Variants in TJP1 observed in about 807,000 individuals in gnomAD.
TJP1 encodes the protein tight junction protein 1.
In TJP1, 43 loss-of-function variants were observed where a neutral mutation model predicts 194.2. The observed-to-expected ratio is 0.22, with a 90% CI of 0.17 to 0.29. The LOEUF (loss-of-function observed/expected upper bound fraction) is 0.29. Among genes scored for constraint, TJP1 ranks in the 10% least tolerant of loss-of-function variants. The probability of loss-of-function intolerance (pLI) is 1.00; values close to 1 mark genes in which losing one functional copy is unlikely to be tolerated. For missense variants in TJP1, 1,971 were observed against 2,185.7 expected, an observed-to-expected ratio of 0.90 and a Z score of 1.96; for synonymous variants, 801 against 779.0, an observed-to-expected ratio of 1.03 and a Z score of -0.47.
intron 2 of TJP1, among the ~76,000 whole-genome samples, chr15:29,949,517 TCCAC>T (rs2055497340): frequency 2.9e-4 from 6 of 20,746 alleles, no homozygotes; most frequent in Admixed American, 6.0e-4. Flanking sequence ...CACCTCCACC[TCCAC>T]CACCACCACC....
intron 1 of TJP1, among the ~76,000 whole-genome samples, chr15:29,802,003 A>G (rs1351910034): frequency 6.6e-6 from 1 of 152,238 alleles, no homozygotes; most frequent in Non-Finnish European, 1.5e-5. Flanking sequence ...CTAAGGAATT[A>G]GCAGTAAGGA....
At position 29,849,565 on chromosome 15, in the gene TJP1, G is replaced by A. The variant is rs550661078; in HGVS notation, c.307-48863C>T. On this transcript the variant is annotated intron_variant, in intron 2 of 28. Transcript: ENST00000356107. ...ACCAGCCTTACCAATATGACAAAAT[G>A]CTCTCTACTAAAAATACAAAAAAAT... Among the ~76,000 whole-genome samples the A allele has an allele frequency of 6.6e-5, 10 of 151,784 alleles. No individual in the cohort carries two copies. The East Asian group carries it at 1.8e-3, about 27-fold the overall frequency.
intron 2 of TJP1, among the ~76,000 whole-genome samples, chr15:29,881,488 GC>G (rs1221496962): frequency 3.9e-5 from 6 of 152,128 alleles, no homozygotes; most frequent in Non-Finnish European, 8.8e-5. Flanking sequence ...GAAGTTTAGA[GC>G]CCTATTACCT....
At chr15:29,909,579 A>G (rs1401664814) in intron 2 of TJP1, among the ~76,000 whole-genome samples, 5 of 152,086 alleles carry the variant, frequency 3.3e-5, no homozygotes, top group Admixed American at 6.5e-5. Context: ...CACCAGACTT[A>G]TGAGTCAAAA....
chr15:29,777,305 G>A (rs563294010), intron 2 of TJP1, among the ~76,000 whole-genome samples: 2 of 152,232 alleles, frequency 1.3e-5, no homozygotes, highest in South Asian at 2.1e-4. Flanking sequence ...AGTTTTAACC[G>A]CCATTGTTTC....
At chr15:29,929,119 A>G (rs2054619580) in intron 2 of TJP1, among the ~76,000 whole-genome samples, 1 of 152,240 alleles carries the variant, frequency 6.6e-6, no homozygotes, top group Non-Finnish European at 1.5e-5. Flanking sequence ...GCAAATTTCA[A>G]CAATGATCAA....
chr15:29,881,535 G>C (rs570509567), intron 2 of TJP1, among the ~76,000 whole-genome samples: 1 of 152,240 alleles, frequency 6.6e-6, no homozygotes, highest in South Asian at 2.1e-4. Flanking sequence ...GTTTTACCTT[G>C]ATAGATACTT....
intron 15 of TJP1, chr15:29,730,612 G>A: frequency 1.8e-6 from 1 of 558,600 alleles, no homozygotes; most frequent in South Asian, 1.6e-5. Context: ...AAAAAAAGAG[G>A]AGCAGTGTGA....
chr15:29,709,194 G>A (rs1204859489), intron 24 of TJP1, among the ~76,000 whole-genome samples, 158 bp from the exon 25 acceptor site: 1 of 152,106 alleles, frequency 6.6e-6, no homozygotes, highest in Non-Finnish European at 1.5e-5. Context: ...TGATGCTGAG[G>A]GATGAGGGCA....
intron 2 of TJP1, among the ~76,000 whole-genome samples, chr15:29,849,107 C>T (rs963835642): frequency 6.6e-6 from 1 of 152,048 alleles, no homozygotes; most frequent in African/African-American, 2.4e-5. Flanking sequence ...AATTTAATTA[C>T]ATTAAAATTA....
chr15:29,757,975 G>T (rs892724965), intron 8 of TJP1, among the ~76,000 whole-genome samples: 3 of 152,172 alleles, frequency 2.0e-5, no homozygotes, highest in Non-Finnish European at 2.9e-5. Context: ...AGCAGTGAAG[G>T]AAAACGAGGA....
chr15:29,855,369 G>A (rs1056130887), intron 2 of TJP1, among the ~76,000 whole-genome samples: 1 of 152,020 alleles, frequency 6.6e-6, no homozygotes, highest in African/African-American at 2.4e-5. Context: ...TAACTCCAAA[G>A]CACAACTGGT....
In TJP1 at chr15:29,820,552, G is replaced by A. The variant is rs753695807; in HGVS notation, c.27+1450C>T. Reference sequence around the variant, plus strand: ...CTTACTGTGGCAATCCATTGAAAACGTATTTCTCTCCATACTTGAAATAAC... The same window carrying A: ...CTTACTGTGGCAATCCATTGAAAACATATTTCTCTCCATACTTGAAATAAC... On this transcript the variant is annotated intron_variant, in intron 1 of 27. Coordinates refer to ENST00000614355, the MANE Select transcript of TJP1 (RefSeq NM_001330239.4). 10 of 716,760 alleles carry A rather than the reference G, an allele frequency of 1.4e-5. 1 individual carries two copies. The highest frequency in any genetic ancestry group is 4.6e-4 in the Middle Eastern group (2 of 4,368). The allele number at this position is 716,760 out of a possible 1,614,324, so 44.4% of individuals were successfully genotyped here.
chr15:29,723,435 T>C (rs983898076), intron 18 of TJP1, among the ~76,000 whole-genome samples: 1 of 152,206 alleles, frequency 6.6e-6, no homozygotes, highest in East Asian at 1.9e-4. Flanking sequence ...GACATGCTTT[T>C]TCCCCTTCAC....
intron 11 of TJP1, 56 bp downstream of exon 11, chr15:29,737,208 C>T (rs992756079): frequency 6.3e-6 from 10 of 1,586,720 alleles, no homozygotes; most frequent in Non-Finnish European, 8.6e-6. Context: ...TGTTTGATAC[C>T]TTTTTCTGGT....
intron 5 of TJP1, among the ~76,000 whole-genome samples, chr15:29,764,842 TGTAAAGATTTG>T (rs1183254927): frequency 6.6e-6 from 1 of 151,346 alleles, no homozygotes; most frequent in African/African-American, 2.4e-5. Context: ...AACACAAGAG[TGTAAAGATTTG>T]GGCTGGAGAA....
chr15:29,733,857 C>T (rs751678828), intron 12 of TJP1, among the ~76,000 whole-genome samples: 18 of 152,140 alleles, frequency 1.2e-4, no homozygotes, highest in Non-Finnish European at 2.2e-4. Context: ...AGAAACCTGG[C>T]TCTAAGTGAA....
chr15:29,770,067 A>T lies in TJP1; in HGVS notation c.312+1997T>A, dbSNP rs192109763. ...AACTGTGGAGGTGGAAGACAGTGAC[A>T]CTGATGACCCTGATCCTGGGTAGCC... On this transcript the variant is annotated intron_variant, in intron 4 of 27. Coordinates refer to ENST00000614355, the MANE Select transcript of TJP1 (RefSeq NM_001330239.4). Among the ~76,000 whole-genome samples, 7 of 152,248 alleles carry T rather than the reference A, an allele frequency of 4.6e-5. No homozygotes were observed. In the East Asian group the frequency reaches 1.4e-3, roughly 29 times the overall value.
chr15:29,949,260 C>T (rs1267096632), intron 2 of TJP1, among the ~76,000 whole-genome samples: 8 of 119,688 alleles, frequency 6.7e-5, no homozygotes, highest in Non-Finnish European at 1.2e-4. Flanking sequence ...ACCACCTCCA[C>T]CACCACCACC....
Sources: allele counts gnomAD v4.1 joint callset (sites outside exome capture counted in the v4.1 genomes callset), GRCh38; gene constraint gnomAD v4.1.1; transcripts MANE v1.5; gene names NCBI Gene and HGNC (gene_info 2026-07-23, HGNC 2026-07-21).